The following FAM185A variants were observed in gnomAD, a reference collection of about 807,000 sequenced individuals.
FAM185A encodes the protein family with sequence similarity 185 member A, also known as protein FAM185A.
A neutral mutation model predicts 45.7 loss-of-function variants in FAM185A; 21 were observed. The ratio of observed to expected loss-of-function variants is 0.46; its 90% confidence interval spans 0.33 to 0.66. FAM185A has a LOEUF of 0.66. FAM185A is among the 30% of genes least tolerant of loss of function. FAM185A has a pLI of 0.03. For missense variants in FAM185A, 305 were observed against 485.4 expected (o/e 0.63, Z 3.49); for synonymous variants, 117 against 194.0 (o/e 0.60, Z 3.30).
the FAM185A span, among the ~76,000 whole-genome samples, chr7:102,817,857 A>G: frequency 6.6e-6 from 1 of 152,152 alleles, no homozygotes; most frequent in East Asian, 1.9e-4. Flanking sequence ...CCCGTATGAA[A>G]TGATTTGGGA....
In FAM185A at chr7:102,749,691, C is replaced by T. The variant is rs1268362998; in HGVS notation, c.451+33C>T. ...AAGTGAAGTGAAAACGGGTTTGGGTCCCAGGGAACGCACAGTGAACTTAAT... is the reference window on the plus strand; with the variant it reads ...AAGTGAAGTGAAAACGGGTTTGGGTTCCAGGGAACGCACAGTGAACTTAAT... On this transcript the variant is annotated intron_variant, in intron 1 of 7. Coordinates refer to ENST00000413034, the MANE Select transcript of FAM185A (RefSeq NM_001145268.2). 16 of 1,486,200 alleles carry T rather than the reference C, an allele frequency of 1.1e-5. No homozygotes were observed. The Admixed American group carries it at 2.0e-4, about 18-fold the overall frequency. 92.1% of individuals were successfully genotyped at this position (1,486,200 alleles called of 1,614,324 possible).
intron 6 of FAM185A, among the ~76,000 whole-genome samples, chr7:102,782,102 A>C (rs1295919260): frequency 6.6e-6 from 1 of 152,218 alleles, no homozygotes; most frequent in African/African-American, 2.4e-5. Flanking sequence ...TTTAGAGAAA[A>C]AAGAATAAAA....
At chr7:102,813,850 T>C (rs527880723), downstream of FAM185A, among the ~76,000 whole-genome samples, 3 of 152,238 alleles carry the variant, frequency 2.0e-5, no homozygotes, top group African/African-American at 7.2e-5. Context: ...TCCTTGGTAT[T>C]TCTAGTTTCT....
chr7:102,753,433 GC>G (rs879296974), intron 2 of FAM185A, among the ~76,000 whole-genome samples: 3 of 151,762 alleles, frequency 2.0e-5, no homozygotes, highest in Non-Finnish European at 4.4e-5. Flanking sequence ...TGGTTTCTTA[GC>G]CTTGGCAATA....
chr7:102,797,472 T>A (rs1189148799), intron 7 of FAM185A, among the ~76,000 whole-genome samples: 1 of 152,236 alleles, frequency 6.6e-6, no homozygotes, highest in Non-Finnish European at 1.5e-5. Context: ...CGAGACTCCG[T>A]CTCAAAAAAC....
chr7:102,775,450 T>G (rs531706446), intron 5 of FAM185A, among the ~76,000 whole-genome samples: 1 of 152,318 alleles, frequency 6.6e-6, no homozygotes, highest in Non-Finnish European at 1.5e-5. Flanking sequence ...ATATCACCTT[T>G]GCCTTCTTTC....
At chr7:102,791,462 C>T (rs1291319633) in intron 7 of FAM185A, among the ~76,000 whole-genome samples, 12 of 152,238 alleles carry the variant, frequency 7.9e-5, no homozygotes, top group Admixed American at 3.3e-4. Context: ...GCATGCTTAC[C>T]TCATTGGTTA....
At chr7:102,760,118 T>C (rs1344731945) in intron 3 of FAM185A, among the ~76,000 whole-genome samples, 1 of 152,154 alleles carries the variant, frequency 6.6e-6, no homozygotes, top group Non-Finnish European at 1.5e-5. Context: ...ATTTGGTGAA[T>C]TGATGACATA....
the FAM185A span, among the ~76,000 whole-genome samples, chr7:102,843,313 C>G: frequency 8.5e-5 from 13 of 152,138 alleles, no homozygotes; most frequent in South Asian, 2.1e-4. Context: ...CGTGGTGGCG[C>G]ATGCCTGTAA....
At chr7:102,818,524 G>T in the FAM185A span, among the ~76,000 whole-genome samples, 1 of 152,154 alleles carries the variant, frequency 6.6e-6, no homozygotes, top group East Asian at 1.9e-4. Flanking sequence ...CATCAGAAAG[G>T]CTTGAACCTT....
At chr7:102,811,647 T>C (rs747405551), downstream of FAM185A, among the ~76,000 whole-genome samples, 16 of 152,240 alleles carry the variant, frequency 1.1e-4, no homozygotes, top group Admixed American at 2.0e-4. Flanking sequence ...GTCATTCCTT[T>C]AGAAAGCAAT....
the FAM185A span, among the ~76,000 whole-genome samples, chr7:102,831,431 A>ACACACCCCC: frequency 2.0e-5 from 3 of 147,234 alleles, no homozygotes; most frequent in African/African-American, 7.5e-5. Context: ...ACACACACAC[A>ACACACCCCC]CCCCACTACA....
intron 7 of FAM185A, among the ~76,000 whole-genome samples, chr7:102,803,829 CAA>C (rs764653005): frequency 2.2e-4 from 34 of 152,246 alleles, no homozygotes; most frequent in Non-Finnish European, 4.3e-4. Context: ...AAGGATTCAA[CAA>C]AGTTTCCAGA....
chr7:102,749,557 G>GC lies in FAM185A; in HGVS notation c.352dup (p.Leu118ProfsTer17). ...GAGGGCGGCGTGCGGGGCCTGGACG[G>GC]CCTGCAGGTGAAGTACGACGAGGAT... is the stretch of plus-strand genomic sequence containing the variant. On this transcript the variant is annotated frameshift_variant, in exon 1 of 8. Coordinates refer to ENST00000413034, the MANE Select transcript of FAM185A (RefSeq NM_001145268.2). LOFTEE classifies it high-confidence loss of function. The GC allele has an allele frequency of 6.6e-7, 1 of 1,522,180 alleles. No homozygotes were observed. Among genetic ancestry groups the GC allele is most frequent in the African/African-American group, 1.4e-5 (1 of 72,546 alleles). 94.3% of individuals were successfully genotyped at this position (1,522,180 alleles called of 1,614,324 possible).
chr7:102,787,942 A>G (rs561609903), intron 7 of FAM185A, among the ~76,000 whole-genome samples: 54 of 151,988 alleles, frequency 3.6e-4, no homozygotes, highest in Non-Finnish European at 6.3e-4. Flanking sequence ...GGCTGATACT[A>G]TTTTTTTAAG....
chr7:102,781,914 T>A (rs1156723981), intron 6 of FAM185A, among the ~76,000 whole-genome samples: 1 of 151,864 alleles, frequency 6.6e-6, no homozygotes, highest in Non-Finnish European at 1.5e-5. Context: ...TGAAAAAAAA[T>A]TAGATGAATG....
downstream of FAM185A, among the ~76,000 whole-genome samples, chr7:102,811,212 T>C (rs1797413355): frequency 1.4e-5 from 2 of 147,496 alleles, no homozygotes; most frequent in African/African-American, 2.7e-5. Context: ...AGCAGTCAAC[T>C]ATATTTAAAG....
the FAM185A span, among the ~76,000 whole-genome samples, chr7:102,828,976 C>G: frequency 6.6e-6 from 1 of 152,158 alleles, no homozygotes; most frequent in Non-Finnish European, 1.5e-5. Flanking sequence ...ATAGAATGTG[C>G]TGGGGATGTA....
chr7:102,753,710 T>C (rs1272991394), intron 2 of FAM185A, among the ~76,000 whole-genome samples: 1 of 151,008 alleles, frequency 6.6e-6, no homozygotes, highest in Non-Finnish European at 1.5e-5. Flanking sequence ...TTATGAATAA[T>C]GATGAAATAA....
Sources: gnomAD v4.1 joint callset for allele counts (sites outside exome capture counted in the v4.1 genomes callset) on GRCh38, gnomAD v4.1.1 for gene constraint, MANE v1.5 for transcripts, NCBI Gene and HGNC (gene_info 2026-07-23, HGNC 2026-07-21) for gene names.